The following COMMD10 variants were observed in gnomAD, a reference collection of about 807,000 sequenced individuals.
The protein encoded by COMMD10 is COMM domain containing 10, also known as COMM domain-containing protein 10.
A neutral mutation model predicts 28.9 loss-of-function variants in COMMD10; 33 were observed. That is an observed-to-expected ratio of 1.14 (90% CI 0.87 to 1.53). COMMD10 has a LOEUF of 1.53. COMMD10 is among the 40% of genes most tolerant of loss of function. COMMD10 has a pLI of 0.00. For missense variants in COMMD10, 310 were observed against 233.4 expected (o/e 1.33, Z -2.14); for synonymous variants, 110 against 81.7 (o/e 1.35, Z -1.87).
intron 5 of COMMD10, among the ~76,000 whole-genome samples, chr5:116,241,617 T>TATTTATTC (rs1749815147): frequency 6.6e-6 from 1 of 150,776 alleles, no homozygotes. Flanking sequence ...TTTATTTATT[T>TATTTATTC]ATTTATTTAT....
At chr5:116,124,440 G>A (rs926780109) in intron 4 of COMMD10, among the ~76,000 whole-genome samples, 1 of 152,150 alleles carries the variant, frequency 6.6e-6, no homozygotes, top group African/African-American at 2.4e-5. Context: ...GAGACAGTTT[G>A]TTGTGATTTC....
chr5:116,159,300 T>C (rs1162953987), intron 5 of COMMD10, among the ~76,000 whole-genome samples: 1 of 152,208 alleles, frequency 6.6e-6, no homozygotes, highest in African/African-American at 2.4e-5. Context: ...TGCCTTGTTT[T>C]TCCTGACACT....
At chr5:116,207,405 T>G (rs1488316792) in intron 5 of COMMD10, among the ~76,000 whole-genome samples, 1 of 152,188 alleles carries the variant, frequency 6.6e-6, no homozygotes, top group Non-Finnish European at 1.5e-5. Flanking sequence ...CTTTCTGGAT[T>G]CTTCTTTTTG....
At chr5:116,258,506 G>A (rs1750352798) in intron 5 of COMMD10, among the ~76,000 whole-genome samples, 1 of 151,312 alleles carries the variant, frequency 6.6e-6, no homozygotes, top group Non-Finnish European at 1.5e-5. Flanking sequence ...GTATCTGAAG[G>A]TATTAAACTA....
intron 5 of COMMD10, among the ~76,000 whole-genome samples, chr5:116,279,014 G>A (rs766388381): frequency 1.3e-5 from 2 of 151,746 alleles, no homozygotes; most frequent in African/African-American, 2.4e-5. Context: ...ATGACTTGAT[G>A]TCAACTGAAC....
intron 5 of COMMD10, among the ~76,000 whole-genome samples, chr5:116,189,062 G>A (rs150976629): frequency 6.6e-6 from 1 of 152,242 alleles, no homozygotes; most frequent in East Asian, 1.9e-4. Context: ...TGTATGTTAG[G>A]GTTTATTCTG....
intron 5 of COMMD10, among the ~76,000 whole-genome samples, chr5:116,168,370 T>G (rs1171419801): frequency 1.3e-5 from 2 of 152,110 alleles, no homozygotes; most frequent in African/African-American, 4.8e-5. Flanking sequence ...AGACTTAGAC[T>G]CACACACAAT....
intron 4 of COMMD10, among the ~76,000 whole-genome samples, chr5:116,131,146 A>T (rs2112768743): frequency 6.6e-6 from 1 of 152,032 alleles, no homozygotes; most frequent in African/African-American, 2.4e-5. Flanking sequence ...AACCCTTTAC[A>T]ACTTAGTGAG....
At chr5:116,223,959 A>C (rs978719977) in intron 5 of COMMD10, among the ~76,000 whole-genome samples, 1 of 152,146 alleles carries the variant, frequency 6.6e-6, no homozygotes, top group Non-Finnish European at 1.5e-5. Context: ...AATTTTTTTA[A>C]AAGTAATGCA....
intron 4 of COMMD10, 32 bp from the exon 5 acceptor site, chr5:116,134,036 A>G (rs764573619): frequency 1.6e-6 from 2 of 1,212,660 alleles, no homozygotes; most frequent in South Asian, 1.2e-5. Context: ...CTTCTGTACC[A>G]TCTGATTCCA....
intron 5 of COMMD10, among the ~76,000 whole-genome samples, chr5:116,221,150 A>G (rs1227517091): frequency 1.3e-5 from 2 of 149,368 alleles, no homozygotes; most frequent in Non-Finnish European, 2.9e-5. Flanking sequence ...CAGGTCCTGC[A>G]TACCAGTGAA....
intron 5 of COMMD10, among the ~76,000 whole-genome samples, chr5:116,258,519 C>A (rs998187316): frequency 1.3e-5 from 2 of 151,448 alleles, no homozygotes; most frequent in Non-Finnish European, 2.9e-5. Flanking sequence ...TTAAACTAGC[C>A]TGTTTTTGCA....
intron 5 of COMMD10, among the ~76,000 whole-genome samples, chr5:116,283,572 C>T (rs968262749): frequency 5.3e-5 from 8 of 151,634 alleles, no homozygotes; most frequent in Non-Finnish European, 7.4e-5. Flanking sequence ...GTCTCGAACT[C>T]CTGACCTCAG....
At chr5:116,208,101 C>G (rs6886322) in intron 5 of COMMD10, among the ~76,000 whole-genome samples, 56,626 of 151,628 alleles carry the variant, frequency 0.37, 13,036 homozygotes, top group African/African-American at 0.66. Flanking sequence ...GTTTGAGTTT[C>G]CTTCTTGCTG....
At chr5:116,254,706 C>G (rs1434515267) in intron 5 of COMMD10, among the ~76,000 whole-genome samples, 1 of 151,758 alleles carries the variant, frequency 6.6e-6, no homozygotes, top group Non-Finnish European at 1.5e-5. Context: ...CTGAGGAGAT[C>G]TTTACTTCCA....
intron 5 of COMMD10, among the ~76,000 whole-genome samples, chr5:116,202,760 G>A (rs1157237757): frequency 6.6e-6 from 1 of 150,752 alleles, no homozygotes; most frequent in African/African-American, 2.5e-5. Context: ...AAATTTGTTT[G>A]AGTTCATTGT....
intron 4 of COMMD10, among the ~76,000 whole-genome samples, chr5:116,109,423 AT>A (rs762079093): frequency 6.6e-6 from 1 of 152,092 alleles, no homozygotes; most frequent in Non-Finnish European, 1.5e-5. Flanking sequence ...GTGAAACACC[AT>A]CTCTACTAAA....
chr5:116,250,641 AT>A lies in COMMD10; in HGVS notation c.511-40874del, dbSNP rs1286224086. On this transcript the variant is annotated intron_variant, in intron 5 of 6. Transcript: ENST00000274458. The stretch of plus-strand genomic sequence containing the variant: ...CTAGCACTTGGTATGTTTTCAAGAA[AT>A]TACTAGGAGAAGGAAAAATGGGAAT... Among the ~76,000 whole-genome samples the A allele has an allele frequency of 3.3e-5, 5 of 151,932 alleles. No individual in the cohort carries two copies. In the East Asian group the frequency reaches 9.7e-4, roughly 29 times the overall value.
intron 5 of COMMD10, among the ~76,000 whole-genome samples, chr5:116,215,836 A>C (rs1004933803): frequency 6.7e-6 from 1 of 150,298 alleles, no homozygotes. Context: ...ACTTGTAATC[A>C]ATGTGGAGTC....
Sources: allele counts gnomAD v4.1 joint callset (sites outside exome capture counted in the v4.1 genomes callset), GRCh38; gene constraint gnomAD v4.1.1; transcripts MANE v1.5; gene names NCBI Gene and HGNC (gene_info 2026-07-23, HGNC 2026-07-21).